The following MYO1E variants were observed in gnomAD, a reference collection of about 807,000 sequenced individuals.
MYO1E encodes the protein myosin IE, also known as unconventional myosin-Ie.
Under a neutral mutation model 151.1 loss-of-function variants are expected in MYO1E, and 68 were observed. The observed-to-expected ratio is 0.45, with a 90% confidence interval of 0.37 to 0.55. The LOEUF is 0.55. MYO1E is among the 20% of genes least tolerant of loss of function. MYO1E has a pLI of 0.00. For missense variants in MYO1E, 1,363 were observed against 1,389.3 expected (o/e 0.98, Z 0.30); for synonymous variants, 601 against 501.7 (o/e 1.20, Z -2.64).
intron 7 of MYO1E, 94 bp downstream of exon 7, chr15:59,227,365 G>T: frequency 1.3e-6 from 2 of 1,484,716 alleles, no homozygotes; most frequent in Non-Finnish European, 1.9e-6. Context: ...GTCCTCCCTG[G>T]CTTCCTAGAC....
At chr15:59,256,968 A>C (rs2080197362) in intron 3 of MYO1E, among the ~76,000 whole-genome samples, 2 of 152,222 alleles carry the variant, frequency 1.3e-5, no homozygotes, top group South Asian at 4.1e-4. Context: ...TAGTTTGGCC[A>C]GTTTGTTTCA....
Position 59,173,857 on chromosome 15 carries a change from A to G in MYO1E, c.2223T>C (p.Phe741=), listed in dbSNP as rs1388478524. 6.2e-7 allele frequency: 1 copy of G among 1,614,062 alleles called. No individual in the cohort carries two copies. Residue 741 remains phenylalanine (F), a synonymous_variant, in exon 21 of 28, where the codon TTT becomes TTC. Coordinates refer to ENST00000288235, the MANE Select transcript of MYO1E (RefSeq NM_004998.4). ...CTTCCATCCCAATATAATCCCCTAT[A>G]AAGTTCCTGTTAATACTGTTTCTCC... ...ERRRNSINRN[F]IGDYIGMEEH...
intron 1 of MYO1E, among the ~76,000 whole-genome samples, chr15:59,309,971 C>A (rs1449350994): frequency 6.6e-6 from 1 of 152,174 alleles, no homozygotes; most frequent in Non-Finnish European, 1.5e-5. Context: ...ACCCACCCCT[C>A]GACTACTCCC....
At chr15:59,367,202 A>T (rs1305606013) in intron 1 of MYO1E, among the ~76,000 whole-genome samples, 1 of 152,222 alleles carries the variant, frequency 6.6e-6, no homozygotes, top group Non-Finnish European at 1.5e-5. Context: ...CTCATGAGGA[A>T]ACGCAAGGTA....
At chr15:59,147,863 A>T (rs1357022669) in intron 26 of MYO1E, among the ~76,000 whole-genome samples, 1 of 151,980 alleles carries the variant, frequency 6.6e-6, no homozygotes, top group Admixed American at 6.6e-5. Flanking sequence ...TAGGCTGCCC[A>T]TTCCCCGCAT....
At chr15:59,146,112 T>C (rs566557581) in intron 26 of MYO1E, among the ~76,000 whole-genome samples, 1 of 152,328 alleles carries the variant, frequency 6.6e-6, no homozygotes, top group Non-Finnish European at 1.5e-5. Context: ...CTTGAACCCC[T>C]GGACTTGGGC....
At chr15:59,370,139 T>C (rs1762769312) in intron 1 of MYO1E, among the ~76,000 whole-genome samples, 1 of 152,172 alleles carries the variant, frequency 6.6e-6, no homozygotes, top group African/African-American at 2.4e-5. Flanking sequence ...AATTTTAGCC[T>C]CCATGCTAAT....
At chr15:59,224,859 GACC>G in intron 7 of MYO1E, 36 bp from the exon 8 acceptor site, 1 of 1,613,894 alleles carries the variant, frequency 6.2e-7, no homozygotes, top group Non-Finnish European at 8.5e-7. Context: ...CCATGATGTG[GACC>G]ACAAGGCACC....
intron 12 of MYO1E, among the ~76,000 whole-genome samples, chr15:59,213,543 C>G (rs575914471): frequency 2.0e-5 from 3 of 151,870 alleles, no homozygotes; most frequent in Non-Finnish European, 2.9e-5. Flanking sequence ...ATATAAGCCT[C>G]GACCTCCTGG....
intron 9 of MYO1E, among the ~76,000 whole-genome samples, chr15:59,221,024 T>C (rs1189801428): frequency 2.7e-5 from 4 of 145,986 alleles, no homozygotes; most frequent in Non-Finnish European, 4.5e-5. Flanking sequence ...ATATATAAAA[T>C]TTATATATAT....
chr15:59,269,976 G>C lies in MYO1E; in HGVS notation c.147+2330C>G, dbSNP rs183661782. Among the ~76,000 whole-genome samples the C allele has an allele frequency of 2.2e-3, 334 of 152,214 alleles. 2 individuals carry two copies. The highest frequency in any genetic ancestry group is 7.8e-3 in the African/African-American group (322 of 41,526). On this transcript the variant is annotated intron_variant, in intron 2 of 27. Transcript: ENST00000288235. ...GAGTCTGTTACAACTACTTAGCTCT[G>C]CCACCATAGTGTGAAAACAACCCTA...
chr15:59,170,602 A>C (rs1488917324), intron 22 of MYO1E, among the ~76,000 whole-genome samples: 2 of 152,134 alleles, frequency 1.3e-5, no homozygotes, highest in Admixed American at 6.5e-5. Flanking sequence ...AAAAAACAAA[A>C]AAAACAATAG....
intron 1 of MYO1E, among the ~76,000 whole-genome samples, chr15:59,353,614 G>T (rs1490045762): frequency 6.7e-6 from 1 of 150,248 alleles, no homozygotes; most frequent in African/African-American, 2.5e-5. Context: ...AAAAATAGCC[G>T]GGTGTGGTGG....
At position 59,372,523 on chromosome 15, in the gene MYO1E, T is replaced by C. The variant is rs752001463; in HGVS notation, c.-23A>G. On this transcript the variant is annotated 5_prime_UTR_variant, in exon 1 of 28. Coordinates refer to ENST00000288235, the MANE Select transcript of MYO1E (RefSeq NM_004998.4). ...CATGGTGACTCGCGCCGCGGTCGCG[T>C]CTTCGCCGGGTCCCGCTGCCGGGGA... The C allele has an allele frequency of 6.5e-7, 1 of 1,535,796 alleles. No homozygotes were observed.
chr15:59,214,129 G>C (rs1204047366), intron 12 of MYO1E, 99 bp downstream of exon 12: 1 of 981,218 alleles, frequency 1.0e-6, no homozygotes, highest in Non-Finnish European at 1.5e-6. Flanking sequence ...CCTAATATAA[G>C]ACTGGAACCG....
intron 1 of MYO1E, among the ~76,000 whole-genome samples, chr15:59,295,505 T>A (rs905780935): frequency 6.6e-6 from 1 of 152,192 alleles, no homozygotes; most frequent in Non-Finnish European, 1.5e-5. Flanking sequence ...GCAGCCAAGA[T>A]GGAATCTCCA....
At chr15:59,319,414 T>C (rs1285668191) in intron 1 of MYO1E, among the ~76,000 whole-genome samples, 1 of 152,004 alleles carries the variant, frequency 6.6e-6, no homozygotes, top group Non-Finnish European at 1.5e-5. Context: ...ATAATTATTA[T>C]AAAATAATGC....
intron 1 of MYO1E, among the ~76,000 whole-genome samples, chr15:59,318,734 G>C (rs1166509563): frequency 6.6e-6 from 1 of 152,152 alleles, no homozygotes; most frequent in Non-Finnish European, 1.5e-5. Context: ...AGTGTACTAA[G>C]GACTTCACGT....
At chr15:59,175,789 GAACAGGCAAACGATTCCC>G (rs1428526143) in intron 19 of MYO1E, among the ~76,000 whole-genome samples, 1 of 152,154 alleles carries the variant, frequency 6.6e-6, no homozygotes, top group Non-Finnish European at 1.5e-5. Flanking sequence ...GAGAAAGGAT[GAACAGGCAAACGATTCCC>G]AACTTCCTAG....
Sources: gnomAD v4.1 joint callset for allele counts (sites outside exome capture counted in the v4.1 genomes callset) on GRCh38, gnomAD v4.1.1 for gene constraint, MANE v1.5 for transcripts, NCBI Gene and HGNC (gene_info 2026-07-23, HGNC 2026-07-21) for gene names.